The following HTT variants were observed in gnomAD, a reference collection of about 807,000 sequenced individuals.
The protein encoded by HTT is huntingtin.
HTT carries 104 observed loss-of-function variants against 362.3 expected under a neutral mutation model. That is an observed-to-expected ratio of 0.29 (90% CI 0.24 to 0.34). The LOEUF is 0.34. Ranked by LOEUF, HTT falls within the 10% of genes least tolerant of loss-of-function variation. HTT has a pLI of 1.00. For missense variants in HTT, 3,301 were observed against 3,928.6 expected (o/e 0.84, Z 4.27); for synonymous variants, 1,577 against 1,548.7 (o/e 1.02, Z -0.43).
rs1183607185 is a variant in HTT, at chr4:3,174,760, G to A, written c.4206G>A (p.Lys1402=). Residue 1402 remains lysine, a synonymous_variant, in exon 32 of 67, where the codon AAG becomes AAA. Coordinates refer to ENST00000355072, the MANE Select transcript of HTT (RefSeq NM_001388492.1). ...DVLQKVSTQL[K]TNLTSVTKNR... is the part of the protein sequence containing the mutation. ...TCCAGAAAGTGTCTACCCAGTTGAA[G>A]ACAAACCTCACGAGTGTCACAAAGA... 6.2e-7 allele frequency: 1 copy of A among 1,614,128 alleles called. No homozygotes were observed. Among genetic ancestry groups the A allele is most frequent in the South Asian group, 1.1e-5 (1 of 91,044 alleles).
At chr4:3,135,846 C>A in intron 19 of HTT, 58 bp from the exon 20 acceptor site, 2 of 1,386,894 alleles carry the variant, frequency 1.4e-6, no homozygotes, top group Non-Finnish European at 2.0e-6. Context: ...AGCAAGCTGG[C>A]GGTAAGTGTT....
At chr4:3,188,689 A>G (rs1718880720) in intron 39 of HTT, 2 of 290,754 alleles carry the variant, frequency 6.9e-6, no homozygotes, top group Non-Finnish European at 1.3e-5. Context: ...ACAGATGATC[A>G]GCTTGTATTT....
chr4:3,205,964 T>C (rs1719836201), intron 42 of HTT, among the ~76,000 whole-genome samples: 1 of 152,248 alleles, frequency 6.6e-6, no homozygotes, highest in South Asian at 2.1e-4. Flanking sequence ...AAGATTTATT[T>C]GATATGTGGG....
chr4:3,132,861 C>A lies in HTT; in HGVS notation c.2443C>A (p.Leu815Met). 1 of 1,614,176 alleles carries A rather than the reference C, an allele frequency of 6.2e-7. No individual in the cohort carries two copies. The highest frequency in any genetic ancestry group is 8.5e-7 in the Non-Finnish European group (1 of 1,179,982). ...ADCIPLLRKT[L>M]KDESSVTCKL... ...TTGCATTCCTTTGCTGCGGAAAACACTGAAGGATGAGTCTTCTGTTACTTG... is the reference window on the plus strand; with the variant it reads ...TTGCATTCCTTTGCTGCGGAAAACAATGAAGGATGAGTCTTCTGTTACTTG... Residue 815 changes from leucine to methionine, a missense_variant, in exon 18 of 67, where the codon CTG (leucine) becomes ATG (methionine). Leu to Met is a conservative substitution (Grantham distance 15). Coordinates refer to ENST00000355072, the MANE Select transcript of HTT (RefSeq NM_001388492.1).
At chr4:3,161,887 A>G (rs1330355990) in intron 29 of HTT, among the ~76,000 whole-genome samples, 3 of 152,096 alleles carry the variant, frequency 2.0e-5, no homozygotes, top group Non-Finnish European at 2.9e-5. Flanking sequence ...GTTCACTCTG[A>G]TGATAGTTTC....
chr4:3,101,016 A>G (rs536667720), intron 3 of HTT, among the ~76,000 whole-genome samples: 1 of 152,324 alleles, frequency 6.6e-6, no homozygotes, highest in African/African-American at 2.4e-5. Flanking sequence ...GGTGTGAGCC[A>G]CTGTGCCTGG....
intron 53 of HTT, among the ~76,000 whole-genome samples, chr4:3,222,162 CAT>C (rs1396641984): frequency 2.6e-5 from 4 of 152,268 alleles, no homozygotes; most frequent in South Asian, 2.1e-4. Flanking sequence ...ACCTGCCTCT[CAT>C]GTGTCTCGGA....
rs370438025 is a variant in HTT at position 3,180,783 on chromosome 4, T to G, written c.4749+132T>G. ...AGGTTTGGGCTTTCTGGGGCCTGGG[T>G]AGATGCCGGTGCAGGGGGATGGGGA... is the stretch of plus-strand genomic sequence containing the variant. On this transcript the variant is annotated intron_variant, in intron 36 of 66. Coordinates refer to ENST00000355072, the MANE Select transcript of HTT (RefSeq NM_001388492.1). The G allele has an allele frequency of 2.7e-3, 601 of 223,536 alleles. 3 individuals are homozygous for G. Among genetic ancestry groups the G allele is most frequent in the Admixed American group, 7.7e-3 (94 of 12,252 alleles). 13.8% of individuals were successfully genotyped at this position (223,536 alleles called of 1,614,324 possible).
At chr4:3,129,842 C>A (rs1347228183) in intron 12 of HTT, 82 bp from the exon 13 acceptor site, 5 of 1,533,588 alleles carry the variant, frequency 3.3e-6, no homozygotes, top group Non-Finnish European at 4.5e-6. Flanking sequence ...TGTGCTCTTT[C>A]CTCATTGCAC....
chr4:3,199,804 C>A lies in HTT; in HGVS notation c.5441C>A (p.Thr1814Asn). The A allele has an allele frequency of 6.2e-7, 1 of 1,614,226 alleles. No individual in the cohort carries two copies. Among genetic ancestry groups the A allele is most frequent in the Non-Finnish European group, 8.5e-7 (1 of 1,180,040 alleles). Residue 1814 changes from threonine (T) to asparagine (N), a missense_variant, in exon 41 of 67, where the codon ACC becomes AAC. Physicochemically the swap from Thr to Asn is moderately conservative, Grantham distance 65. This residue lies in a region of HTT where 2,316 missense variants were observed against 2,658.5 expected (regional missense o/e 0.87). Coordinates refer to ENST00000355072, the MANE Select transcript of HTT (RefSeq NM_001388492.1). ...RSDGCGGSFYTLDSLNLRARS... is the reference protein window; with the variant it reads ...RSDGCGGSFYNLDSLNLRARS... Reference sequence around the variant, plus strand: ...GATGGCTGTGGCGGCAGTTTCTACACCCTGGACAGCTTGAACTTGCGGGCT... The same window carrying A: ...GATGGCTGTGGCGGCAGTTTCTACAACCTGGACAGCTTGAACTTGCGGGCT...
At chr4:3,116,495 C>T (rs1460494947) in intron 8 of HTT, among the ~76,000 whole-genome samples, 1 of 152,192 alleles carries the variant, frequency 6.6e-6, no homozygotes, top group African/African-American at 2.4e-5. Context: ...ACCTAAGCCT[C>T]TCAGAGACCA....
chr4:3,187,912 C>T (rs1322239757), intron 39 of HTT, 26 bp downstream of exon 39: 2 of 1,398,414 alleles, frequency 1.4e-6, no homozygotes, highest in African/African-American at 2.9e-5. Flanking sequence ...GAGCCTATAA[C>T]TAACCCATGC....
At position 3,074,938 on chromosome 4, in the gene HTT, A is replaced by AGCAGCC. The variant is rs1712415661; in HGVS notation, c.115_116insAGCCGC (p.Gln38_Pro39insGlnPro). Reference sequence around the variant, plus strand: ...CAGCAGCAGCAGCAGCAGCAGCAACAGCCGCCACCGCCGCCGCCGCCGCCG... The same window carrying AGCAGCC: ...CAGCAGCAGCAGCAGCAGCAGCAACAGCAGCCGCCGCCACCGCCGCCGCCGCCGCCG... On this transcript the variant is annotated inframe_insertion, in exon 1 of 67. Coordinates refer to ENST00000355072, the MANE Select transcript of HTT (RefSeq NM_001388492.1). 2 of 1,245,302 alleles carry AGCAGCC rather than the reference A, an allele frequency of 1.6e-6. No homozygotes were observed. Among genetic ancestry groups the AGCAGCC allele is most frequent in the Non-Finnish European group, 1.1e-6 (1 of 941,808 alleles). The allele number at this position is 1,245,302 out of a possible 1,614,324, so 77.1% of individuals were successfully genotyped here.
rs944138446 is a variant in HTT at position 3,194,880 on chromosome 4, A to G, written c.5369-4852A>G. Among the ~76,000 whole-genome samples, 16 of 152,202 alleles carry G rather than the reference A, an allele frequency of 1.1e-4. 1 individual carries two copies. Among genetic ancestry groups the G allele is most frequent in the Admixed American group, 7.9e-4 (12 of 15,286 alleles). On this transcript the variant is annotated intron_variant, in intron 40 of 66. Transcript: ENST00000355072. ...TGCTTGGGGAAAGGACAGGGCTACT[A>G]ACAATTATAATGCTGGGAGCAATGG... is the stretch of plus-strand genomic sequence containing the variant.
intron 38 of HTT, 103 bp from the exon 39 acceptor site, chr4:3,187,548 G>T: frequency 1.3e-6 from 1 of 775,564 alleles, no homozygotes; most frequent in Admixed American, 2.1e-5. Flanking sequence ...TTATTGGTAG[G>T]ATAGTAAAAT....
At chr4:3,097,162 G>A (rs7688390) in intron 2 of HTT, among the ~76,000 whole-genome samples, 34,134 of 152,054 alleles carry the variant, frequency 0.22, 6,351 homozygotes, top group African/African-American at 0.52. Context: ...CATAAAGATA[G>A]GAGCAGAAGT....
intron 51 of HTT, among the ~76,000 whole-genome samples, chr4:3,216,473 T>C (rs999943640): frequency 2.6e-5 from 4 of 152,234 alleles, no homozygotes; most frequent in Admixed American, 6.5e-5. Context: ...AATCCCTCCA[T>C]GTAAAGCACC....
intron 31 of HTT, 36 bp from the exon 32 acceptor site, chr4:3,174,685 C>A: frequency 6.6e-7 from 1 of 1,505,346 alleles, no homozygotes; most frequent in Non-Finnish European, 9.2e-7. Flanking sequence ...TAAAGATATT[C>A]TCATTCTCTG....
intron 51 of HTT, among the ~76,000 whole-genome samples, chr4:3,216,704 A>G (rs571740973): frequency 8.5e-5 from 13 of 152,166 alleles, no homozygotes; most frequent in African/African-American, 2.9e-4. Context: ...TCACCTCGAT[A>G]GGACGTTACT....
Sources: gnomAD v4.1 joint callset for allele counts (sites outside exome capture counted in the v4.1 genomes callset) on GRCh38, gnomAD v4.1.1 for gene constraint, gnomAD v4.1.1 regional missense constraint, MANE v1.5 for transcripts, NCBI Gene and HGNC (gene_info 2026-07-23, HGNC 2026-07-21) for gene names.